The following DGKB variants were observed in gnomAD, a reference collection of about 807,000 sequenced individuals.
DGKB encodes diacylglycerol kinase beta, also known as 90 kDa diacylglycerol kinase.
A neutral mutation model predicts 114.3 loss-of-function variants in DGKB; 67 were observed. That is an observed-to-expected ratio of 0.59 (90% CI 0.48 to 0.72). The LOEUF (loss-of-function observed/expected upper bound fraction) is 0.72. DGKB is among the 30% of genes least tolerant of loss of function. The pLI is 0.00. For synonymous variants in DGKB, 398 were observed against 323.1 expected (o/e 1.23, Z -2.49); for missense variants, 907 against 975.2 (o/e 0.93, Z 0.93).
chr7:14,224,185 A>G (rs1037428348), intron 23 of DGKB, among the ~76,000 whole-genome samples: 1 of 151,746 alleles, frequency 6.6e-6, no homozygotes, highest in African/African-American at 2.4e-5. Context: ...TATTTCTCTG[A>G]GTAGCATTTT....
intron 21 of DGKB, among the ~76,000 whole-genome samples, chr7:14,457,664 C>A (rs937282867): frequency 6.6e-6 from 1 of 152,150 alleles, no homozygotes; most frequent in Non-Finnish European, 1.5e-5. Context: ...GTCCCTTCCA[C>A]GTGAGATTAA....
intron 21 of DGKB, among the ~76,000 whole-genome samples, chr7:14,362,645 A>C (rs1815962515): frequency 9.3e-6 from 1 of 108,102 alleles, no homozygotes; most frequent in Admixed American, 8.7e-5. Context: ...ATATACAATA[A>C]AAACCCAAAA....
chr7:14,352,408 T>G (rs1451614756), intron 21 of DGKB, among the ~76,000 whole-genome samples: 1 of 152,192 alleles, frequency 6.6e-6, no homozygotes, highest in African/African-American at 2.4e-5. Flanking sequence ...TACCTAAATG[T>G]TCTCTAGTTC....
At chr7:14,263,470 A>G (rs1318252982) in intron 23 of DGKB, among the ~76,000 whole-genome samples, 1 of 152,164 alleles carries the variant, frequency 6.6e-6, no homozygotes, top group Non-Finnish European at 1.5e-5. Flanking sequence ...CTATTCCTGA[A>G]GTATGCCATT....
intron 21 of DGKB, among the ~76,000 whole-genome samples, chr7:14,470,621 C>A (rs919992253): frequency 6.6e-6 from 1 of 151,786 alleles, no homozygotes; most frequent in Admixed American, 6.6e-5. Flanking sequence ...TACAAAGATA[C>A]ATGTTAAAAG....
chr7:14,601,081 C>A (rs1585047270), intron 17 of DGKB, among the ~76,000 whole-genome samples: 1 of 152,190 alleles, frequency 6.6e-6, no homozygotes, highest in East Asian at 1.9e-4. Flanking sequence ...GGTAGGCATG[C>A]CTTCACAGCT....
At chr7:14,514,285 C>A (rs1788429921) in intron 20 of DGKB, among the ~76,000 whole-genome samples, 1 of 152,048 alleles carries the variant, frequency 6.6e-6, no homozygotes, top group Non-Finnish European at 1.5e-5. Context: ...AGACTGCTGT[C>A]TTCAAAATTA....
rs376789094 is a variant in DGKB at position 14,574,202 on chromosome 7, A to G, written c.1770+10T>C. The stretch of plus-strand genomic sequence containing the variant: ...CAGGTACAAAGGTAAAATTTAGTGG[A>G]GAATCTTACCACGCCAATGGAAAAG... On this transcript the variant is annotated intron_variant, in intron 20 of 25. Coordinates refer to ENST00000402815, the MANE Select transcript of DGKB (RefSeq NM_001350709.2). 1.4e-5 allele frequency: 22 copies of G among 1,609,008 alleles called. No individual in the cohort carries two copies. Among genetic ancestry groups the G allele is most frequent in the African/African-American group, 6.7e-5 (5 of 74,796 alleles).
At chr7:14,580,806 G>A in intron 19 of DGKB, 56 bp downstream of exon 19, 1 of 1,201,550 alleles carries the variant, frequency 8.3e-7, no homozygotes, top group Non-Finnish European at 1.2e-6. Flanking sequence ...TTTTTGTTTT[G>A]CAAGGGAAAG....
chr7:14,924,672 T>C (rs1347970821), intron 1 of DGKB, among the ~76,000 whole-genome samples: 1 of 152,180 alleles, frequency 6.6e-6, no homozygotes, highest in African/African-American at 2.4e-5. Context: ...TTTTTATTTC[T>C]AGATTGTTTT....
intron 14 of DGKB, among the ~76,000 whole-genome samples, chr7:14,623,891 CTAAG>C (rs1808098483): frequency 6.6e-6 from 1 of 152,048 alleles, no homozygotes; most frequent in Non-Finnish European, 1.5e-5. Flanking sequence ...TCTCTACTAC[CTAAG>C]TATTATGTAA....
intron 21 of DGKB, among the ~76,000 whole-genome samples, chr7:14,408,927 T>A (rs984254842): frequency 6.6e-6 from 1 of 152,120 alleles, no homozygotes; most frequent in African/African-American, 2.4e-5. Flanking sequence ...ATAAAAGATA[T>A]GTAGATGCTA....
intron 21 of DGKB, among the ~76,000 whole-genome samples, chr7:14,441,005 T>A (rs1433924246): frequency 6.6e-6 from 1 of 152,090 alleles, no homozygotes; most frequent in Non-Finnish European, 1.5e-5. Flanking sequence ...GAGCATTCAT[T>A]TTTCTTCTTT....
chr7:14,537,162 T>G (rs1372345843), intron 20 of DGKB, among the ~76,000 whole-genome samples: 1 of 151,888 alleles, frequency 6.6e-6, no homozygotes, highest in South Asian at 2.1e-4. Flanking sequence ...ATAAAAGAAA[T>G]AAAACAAGAC....
chr7:14,630,289 A>G (rs1809448977), intron 13 of DGKB, 21 bp from the exon 14 acceptor site: 1 of 1,544,884 alleles, frequency 6.5e-7, no homozygotes, highest in South Asian at 1.2e-5. Context: ...AGAGAAGTTC[A>G]TATGAAAGCT....
At chr7:14,261,746 T>G (rs899166314) in intron 23 of DGKB, among the ~76,000 whole-genome samples, 1 of 152,164 alleles carries the variant, frequency 6.6e-6, no homozygotes, top group Non-Finnish European at 1.5e-5. Context: ...AGAGGTAAAA[T>G]AATCTGGTGA....
chr7:14,473,544 A>C (rs550845715), intron 21 of DGKB, among the ~76,000 whole-genome samples: 1 of 152,292 alleles, frequency 6.6e-6, no homozygotes, highest in South Asian at 2.1e-4. Flanking sequence ...GGCACCACCT[A>C]GTGGAGCTGT....
intron 13 of DGKB, among the ~76,000 whole-genome samples, chr7:14,637,271 GTTA>G (rs1346258075): frequency 6.6e-6 from 1 of 151,802 alleles, no homozygotes; most frequent in Non-Finnish European, 1.5e-5. Flanking sequence ...AGCTTTCAGT[GTTA>G]TTATATATTC....
intron 23 of DGKB, among the ~76,000 whole-genome samples, chr7:14,237,948 C>T (rs1307571025): frequency 6.6e-6 from 1 of 151,958 alleles, no homozygotes; most frequent in African/African-American, 2.4e-5. Flanking sequence ...ATTTATATTA[C>T]TACATATGTC....
Sources: allele counts gnomAD v4.1 joint callset (sites outside exome capture counted in the v4.1 genomes callset), GRCh38; gene constraint gnomAD v4.1.1; transcripts MANE v1.5; gene names NCBI Gene and HGNC (gene_info 2026-07-23, HGNC 2026-07-21).